The following SRGAP3 variants were observed in gnomAD, a reference collection of about 807,000 sequenced individuals.
SRGAP3 encodes the protein SLIT-ROBO Rho GTPase activating protein 3.
In SRGAP3, 39 loss-of-function variants were observed where a neutral mutation model predicts 121.1. The ratio of observed to expected loss-of-function variants is 0.32; its 90% CI spans 0.25 to 0.42. The LOEUF (loss-of-function observed/expected upper bound fraction) is 0.42. Among genes scored for constraint, SRGAP3 ranks in the 10% least tolerant of loss-of-function variants. SRGAP3 has a pLI of 1.00. For synonymous variants in SRGAP3, 601 were observed against 570.0 expected (o/e 1.05, Z -0.77); for missense variants, 1,213 against 1,470.6 (o/e 0.82, Z 2.86).
intron 17 of SRGAP3, among the ~76,000 whole-genome samples, chr3:9,012,425 A>G (rs191761425): frequency 1.3e-3 from 205 of 152,306 alleles, no homozygotes; most frequent in African/African-American, 4.7e-3. Flanking sequence ...CACCACATTT[A>G]AAGATTTTTT....
rs1559913210 is a variant in SRGAP3 at position 9,013,790 on chromosome 3, G to A, written c.1866C>T (p.Thr622=). The A allele has an allele frequency of 1.2e-6, 2 of 1,614,182 alleles. No individual in the cohort carries two copies. Among genetic ancestry groups the A allele is most frequent in the South Asian group, 1.1e-5 (1 of 91,088 alleles). Residue 622 remains threonine (T), a synonymous_variant, in exon 16 of 22, where the codon ACC becomes ACT. Transcript: ENST00000383836. ...RVHQIQQILV[T]LPRVVIVVMR... is the part of the protein sequence containing the mutation. ...TGACCACAATGACCACGCGGGGAAG[G>A]GTGACGAGGATTTGTTGGATCTGGT...
intron 1 of SRGAP3, among the ~76,000 whole-genome samples, chr3:9,228,175 G>A (rs1953059387): frequency 6.6e-6 from 1 of 152,016 alleles, no homozygotes; most frequent in Non-Finnish European, 1.5e-5. Flanking sequence ...GGTGTCGTGG[G>A]GACCCAAGAG....
At chr3:9,030,165 GAAT>G (rs1352404130) in intron 12 of SRGAP3, among the ~76,000 whole-genome samples, 1,656 of 146,308 alleles carry the variant, frequency 0.011, 22 homozygotes, top group African/African-American at 0.04. Context: ...ATGAATGAAT[GAAT>G]GAATGAATGA....
chr3:9,179,111 A>T (rs1018229425), intron 1 of SRGAP3, among the ~76,000 whole-genome samples: 14 of 152,174 alleles, frequency 9.2e-5, no homozygotes, highest in Non-Finnish European at 1.9e-4. Context: ...AGGCTTCAGG[A>T]CACCATCTCT....
chr3:9,221,460 C>T (rs1483897656), intron 1 of SRGAP3, among the ~76,000 whole-genome samples: 1 of 152,152 alleles, frequency 6.6e-6, no homozygotes, highest in Non-Finnish European at 1.5e-5. Context: ...ATGCTTGACC[C>T]TTGGAGTTCA....
rs138155689 is a variant in SRGAP3 at position 8,984,755 on chromosome 3, G to T, written c.*764C>A. On this transcript the variant is annotated 3_prime_UTR_variant, in exon 22 of 22. Transcript: ENST00000383836. ...ACGGGGGTGGGGATTTCCTATGAAG[G>T]GTTCCCCACCTCTGGGAGCAGCCTG... 61 of 232,166 alleles carry T rather than the reference G, an allele frequency of 2.6e-4. No individual in the cohort carries two copies. The highest frequency in any genetic ancestry group is 1.3e-3 in the African/African-American group (57 of 45,338). 14.4% of individuals were successfully genotyped at this position (232,166 alleles called of 1,614,324 possible).
Position 8,992,955 on chromosome 3 carries a change from A to G in SRGAP3, c.2509T>C (p.Ser837Pro), listed in dbSNP as rs758295860. Residue 837 changes from serine to proline, a missense_variant, in exon 20 of 22, where the codon TCC becomes CCC. By Grantham distance (74) the Ser-to-Pro change is moderately conservative (BLOSUM62 -1). Coordinates refer to ENST00000383836, the MANE Select transcript of SRGAP3 (RefSeq NM_014850.4). ...TAATCCGAGATGTGCTCCGTGGGGG[A>G]CTGGAGGTCGTTTTTGGAAGAGGCC... ...DKASSKNDLQ[S>P]PTEHISDYGF... 6.2e-7 allele frequency: 1 copy of G among 1,613,992 alleles called. No individual in the cohort carries two copies. Among genetic ancestry groups the G allele is most frequent in the African/African-American group, 1.3e-5 (1 of 74,992 alleles).
rs530471911 is a variant in SRGAP3, at chr3:9,238,510, A to G, written c.67+10375T>C. ...GTTCCCCGCCCCACCACACGAGCAT[A>G]TGGGTAAAGATTTCCTAGACCAAAG... On this transcript the variant is annotated intron_variant, in intron 1 of 21. Coordinates refer to ENST00000383836, the MANE Select transcript of SRGAP3 (RefSeq NM_014850.4). Among the ~76,000 whole-genome samples the G allele has an allele frequency of 6.6e-5, 10 of 152,290 alleles. No individual in the cohort carries two copies. In the South Asian group the frequency reaches 1.5e-3, roughly 22 times the overall value.
intron 3 of SRGAP3, among the ~76,000 whole-genome samples, chr3:9,297,452 T>C (rs28532480): frequency 0.017 from 2,529 of 152,152 alleles, 71 homozygotes; most frequent in African/African-American, 0.057. Flanking sequence ...ATAGGCTGAA[T>C]TGTGTGTCTC....
chr3:9,229,870 T>C (rs1463427074), intron 1 of SRGAP3, among the ~76,000 whole-genome samples: 1 of 152,230 alleles, frequency 6.6e-6, no homozygotes, highest in Non-Finnish European at 1.5e-5. Flanking sequence ...TGGTTCTCTC[T>C]GCCACAGGAT....
Position 8,985,634 on chromosome 3 carries a change from G to C in SRGAP3, c.3185C>G (p.Pro1062Arg). 6.3e-7 allele frequency: 1 copy of C among 1,594,584 alleles called. No individual in the cohort carries two copies. The highest frequency in any genetic ancestry group is 8.5e-7 in the Non-Finnish European group (1 of 1,177,410). ...GCTGCTGGACCGGTGCTGGACCACC[G>C]GCCGCACGGGCCGCATGGGGGGCGG... ...LRPPPMRPVR[P>R]VVQHRSSSSS... Residue 1062 changes from proline (P) to arginine (R), a missense_variant, in exon 22 of 22, where the codon CCG (proline) becomes CGG (arginine). Around this residue, in one of 2 missense-constraint regions of SRGAP3, gnomAD observed 420 missense variants for 437.7 expected, o/e 0.96. Coordinates refer to ENST00000383836, the MANE Select transcript of SRGAP3 (RefSeq NM_014850.4). The surrounding 1 kb of genome is among the most constrained non-coding windows in gnomAD (Gnocchi z 5.1).
upstream of SRGAP3, among the ~76,000 whole-genome samples, chr3:9,250,103 A>G (rs753258237): frequency 2.5e-4 from 38 of 152,222 alleles, no homozygotes; most frequent in Non-Finnish European, 3.8e-4. Flanking sequence ...GAGCAGGCAC[A>G]CTGGAGGCAG....
In SRGAP3 at chr3:9,317,177, C is replaced by T. The variant is rs142200268; in HGVS notation, n.442+8833G>A. ...ATATGTGAATAGAGCCAGTGAAAAG[C>T]GCCTTTGCTCTGCAGCCTTGGAGGG... On this transcript the variant is annotated intron_variant and non_coding_transcript_variant, in intron 3 of 3. Transcript: ENST00000490889. Among the ~76,000 whole-genome samples the T allele has an allele frequency of 3.5e-3, 540 of 152,304 alleles. 5 individuals carry two copies. The highest frequency in any genetic ancestry group is 0.012 in the African/African-American group (502 of 41,572).
In SRGAP3 at chr3:9,249,442, G is replaced by A. The variant is rs1241482381; in HGVS notation, c.-491C>T. The A allele has an allele frequency of 1.2e-5, 3 of 249,512 alleles. No homozygotes were observed. Among genetic ancestry groups the A allele is most frequent in the South Asian group, 1.3e-4 (1 of 7,658 alleles). 15.5% of individuals were successfully genotyped at this position (249,512 alleles called of 1,614,324 possible). On this transcript the variant is annotated 5_prime_UTR_variant, in exon 1 of 22. Coordinates refer to ENST00000383836, the MANE Select transcript of SRGAP3 (RefSeq NM_014850.4). ...CACACACATCCACGAGAGGCGCGGC[G>A]CCTCTTTGGTCGTGCAGCCAGCCCC...
chr3:9,043,961 G>C (rs1385846157), intron 10 of SRGAP3, among the ~76,000 whole-genome samples: 2 of 152,168 alleles, frequency 1.3e-5, no homozygotes, highest in Non-Finnish European at 2.9e-5. Context: ...AAGACTCAGA[G>C]ATGATGATAA....
chr3:9,076,098 A>G (rs1946963597), intron 4 of SRGAP3, among the ~76,000 whole-genome samples: 1 of 152,198 alleles, frequency 6.6e-6, no homozygotes, highest in East Asian at 1.9e-4. Flanking sequence ...GTGCTTGCAC[A>G]TTGGGATTTG....
intron 3 of SRGAP3, among the ~76,000 whole-genome samples, chr3:9,082,952 G>C (rs1467479291): frequency 6.6e-6 from 1 of 152,202 alleles, no homozygotes; most frequent in Non-Finnish European, 1.5e-5. Flanking sequence ...GGCAATTCCA[G>C]AGACCTATTT....
chr3:9,233,253 G>A (rs1465451204), intron 1 of SRGAP3, among the ~76,000 whole-genome samples: 2 of 152,174 alleles, frequency 1.3e-5, no homozygotes, highest in Admixed American at 6.5e-5. Flanking sequence ...TTCATCCAAG[G>A]TCATTCAGCT....
At position 9,215,879 on chromosome 3, in the gene SRGAP3, TAC is replaced by T. The variant is rs575341830; in HGVS notation, c.67+33004_67+33005del. Reference sequence around the variant, plus strand: ...TCTCTGGTTCTGAGACTTTCAGACTTACACTGGCCAACGCTCCTGGATTCCCT... The same window carrying T: ...TCTCTGGTTCTGAGACTTTCAGACTTACTGGCCAACGCTCCTGGATTCCCT... On this transcript the variant is annotated intron_variant, in intron 1 of 21. Coordinates refer to ENST00000383836, the MANE Select transcript of SRGAP3 (RefSeq NM_014850.4). Among the ~76,000 whole-genome samples, 3 of 152,302 alleles carry T rather than the reference TAC, an allele frequency of 2.0e-5. No homozygotes were observed. In the East Asian group the frequency reaches 5.8e-4, roughly 29 times the overall value.
Sources: allele counts gnomAD v4.1 joint callset (sites outside exome capture counted in the v4.1 genomes callset), GRCh38; gene constraint gnomAD v4.1.1; regional missense constraint gnomAD v4.1.1; non-coding constraint Gnocchi (gnomAD v3.1); transcripts MANE v1.5; gene names NCBI Gene and HGNC (gene_info 2026-07-23, HGNC 2026-07-21).